The following ADAMTS17 variants were observed in gnomAD, a reference collection of about 807,000 sequenced individuals.
ADAMTS17 encodes A disintegrin and metalloproteinase with thrombospondin motifs 17.
In ADAMTS17, 113 loss-of-function variants were observed where a neutral mutation model predicts 141.5. The observed-to-expected ratio is 0.80, with a 90% CI of 0.69 to 0.93. The LOEUF is 0.93. ADAMTS17 is among the 40% of genes least tolerant of loss of function. The probability of loss-of-function intolerance (pLI) is 0.00; values close to 1 mark genes in which losing one functional copy is unlikely to be tolerated. For missense variants in ADAMTS17, 1,659 were observed against 1,517.9 expected (o/e 1.09, Z -1.54); for synonymous variants, 768 against 630.6 (o/e 1.22, Z -3.27).
chr15:100,057,931 G>A (rs1221401308), intron 15 of ADAMTS17, among the ~76,000 whole-genome samples: 1 of 152,088 alleles, frequency 6.6e-6, no homozygotes, highest in Non-Finnish European at 1.5e-5. Context: ...GCTGGGTTTG[G>A]CATTCACACA....
At chr15:100,102,209 T>C (rs888158806) in intron 14 of ADAMTS17, among the ~76,000 whole-genome samples, 1 of 152,224 alleles carries the variant, frequency 6.6e-6, no homozygotes, top group African/African-American at 2.4e-5. Flanking sequence ...TTCATGCTGC[T>C]GGTTTTCTTC....
intron 7 of ADAMTS17, among the ~76,000 whole-genome samples, chr15:100,212,210 A>C (rs1455980365): frequency 6.6e-6 from 1 of 152,208 alleles, no homozygotes; most frequent in African/African-American, 2.4e-5. Flanking sequence ...GCTGCAACCA[A>C]GTAGGAGAAT....
At chr15:100,190,957 T>A (rs1455294631) in intron 8 of ADAMTS17, among the ~76,000 whole-genome samples, 1 of 152,124 alleles carries the variant, frequency 6.6e-6, no homozygotes, top group Non-Finnish European at 1.5e-5. Flanking sequence ...CATAGCGCCG[T>A]GGGAAGGGAG....
chr15:100,245,242 A>C (rs1447165344), intron 7 of ADAMTS17, among the ~76,000 whole-genome samples: 1 of 152,250 alleles, frequency 6.6e-6, no homozygotes, highest in African/African-American at 2.4e-5. Context: ...GGTCTGTTTC[A>C]GAATCCCCTC....
At chr15:100,302,276 T>C (rs2045066811) in intron 3 of ADAMTS17, among the ~76,000 whole-genome samples, 1 of 152,252 alleles carries the variant, frequency 6.6e-6, no homozygotes. Flanking sequence ...TAAAATTCTA[T>C]TGTATGACTA....
At chr15:100,054,279 C>G (rs907858269) in intron 15 of ADAMTS17, among the ~76,000 whole-genome samples, 7 of 152,152 alleles carry the variant, frequency 4.6e-5, no homozygotes, top group Non-Finnish European at 5.9e-5. Flanking sequence ...CCAGGGAGAG[C>G]TGTGGGATTG....
chr15:100,001,052 G>A (rs965264133), intron 18 of ADAMTS17, among the ~76,000 whole-genome samples: 1 of 151,896 alleles, frequency 6.6e-6, no homozygotes, highest in Admixed American at 6.6e-5. Context: ...ATAGAGGGAA[G>A]AACACCAGAA....
At chr15:100,214,023 T>C (rs915825621) in intron 7 of ADAMTS17, among the ~76,000 whole-genome samples, 4 of 152,216 alleles carry the variant, frequency 2.6e-5, no homozygotes, top group African/African-American at 9.6e-5. Flanking sequence ...GCAAGAAAGA[T>C]GACTAGTTAC....
intron 7 of ADAMTS17, among the ~76,000 whole-genome samples, chr15:100,232,957 G>C (rs1407741843): frequency 6.6e-6 from 1 of 152,204 alleles, no homozygotes; most frequent in Non-Finnish European, 1.5e-5. Flanking sequence ...TTTAAAGGGA[G>C]AGTATTGAGG....
intron 7 of ADAMTS17, among the ~76,000 whole-genome samples, chr15:100,248,492 G>T (rs1163942622): frequency 6.6e-6 from 1 of 152,194 alleles, no homozygotes; most frequent in East Asian, 1.9e-4. Context: ...TCCCCATCTT[G>T]TCACCTCCCT....
chr15:100,070,920 C>T (rs1182014984), intron 15 of ADAMTS17, among the ~76,000 whole-genome samples: 3 of 149,822 alleles, frequency 2.0e-5, no homozygotes, highest in East Asian at 1.9e-4. Context: ...AATAGAGACA[C>T]AAAAAACCCT....
chr15:100,146,054 T>A (rs943375155), intron 10 of ADAMTS17, among the ~76,000 whole-genome samples: 1 of 152,170 alleles, frequency 6.6e-6, no homozygotes, highest in Non-Finnish European at 1.5e-5. Flanking sequence ...ATGCCTGTAA[T>A]CACAGCTACT....
chr15:100,036,637 A>G (rs535785180), intron 18 of ADAMTS17, among the ~76,000 whole-genome samples: 11 of 152,264 alleles, frequency 7.2e-5, no homozygotes, highest in Admixed American at 2.0e-4. Flanking sequence ...CAATGCAACC[A>G]TCTGAAGCGC....
intron 8 of ADAMTS17, among the ~76,000 whole-genome samples, chr15:100,185,169 C>CA (rs1379511079): frequency 0.013 from 1,933 of 152,296 alleles, 43 homozygotes; most frequent in African/African-American, 0.043. Context: ...CACTTACAAG[C>CA]TCTGGGACCA....
rs143174045 is a variant in ADAMTS17 at position 100,289,539 on chromosome 15, T to C, written c.617-8138A>G. Among the ~76,000 whole-genome samples, 675 of 131,122 alleles carry C rather than the reference T, an allele frequency of 5.1e-3. 11 individuals are homozygous for C. The East Asian group carries it at 0.066, about 13-fold the overall frequency. The allele number at this position is 131,122 out of a possible 152,430, so 86.0% of individuals were successfully genotyped here. Reference sequence around the variant, plus strand: ...CCTTGCAGACACACACATACACACATACACACACTCACACACACACACACA... The same window carrying C: ...CCTTGCAGACACACACATACACACACACACACACTCACACACACACACACA... On this transcript the variant is annotated intron_variant, in intron 3 of 21. Transcript: ENST00000268070.
At chr15:100,168,969 A>G (rs144613289) in intron 8 of ADAMTS17, among the ~76,000 whole-genome samples, 14 of 152,336 alleles carry the variant, frequency 9.2e-5, no homozygotes, top group Non-Finnish European at 1.9e-4. Context: ...GGGCGACTAT[A>G]ATGGCAGATG....
At chr15:100,224,734 C>T (rs183729360) in intron 7 of ADAMTS17, among the ~76,000 whole-genome samples, 1 of 152,356 alleles carries the variant, frequency 6.6e-6, no homozygotes, top group East Asian at 1.9e-4. Context: ...TTGTCCTGCA[C>T]TGACCGCACC....
Position 100,225,874 on chromosome 15 carries a change from A to G in ADAMTS17, c.1076-26451T>C, listed in dbSNP as rs974993376. ...TTACAGCAGTCACGGCCTCTGCGCC[A>G]TTCAGTCCTTACAGCAGTCACGGTC... On this transcript the variant is annotated intron_variant, in intron 7 of 21. Transcript: ENST00000268070. Among the ~76,000 whole-genome samples the G allele has an allele frequency of 2.9e-5, 4 of 137,808 alleles. No homozygotes were observed. In the East Asian group the frequency reaches 8.9e-4, roughly 31 times the overall value. 90.4% of individuals were successfully genotyped at this position (137,808 alleles called of 152,430 possible). A position where few individuals can be genotyped will look rare whatever the true frequency, so the allele number is the denominator to read the frequency against.
intron 3 of ADAMTS17, among the ~76,000 whole-genome samples, chr15:100,294,682 G>A (rs1450658586): frequency 6.6e-6 from 1 of 152,194 alleles, no homozygotes; most frequent in African/African-American, 2.4e-5. Flanking sequence ...ACTCCAGCAT[G>A]GGCGACAGAG....
Sources: allele counts gnomAD v4.1 joint callset (sites outside exome capture counted in the v4.1 genomes callset), GRCh38; gene constraint gnomAD v4.1.1; transcripts MANE v1.5; gene names NCBI Gene and HGNC (gene_info 2026-07-23, HGNC 2026-07-21).